Variants in TGFBR2 observed in about 807,000 individuals in gnomAD.
TGFBR2 encodes the protein TGF-beta receptor type-2.
TGFBR2 carries 18 observed loss-of-function variants against 49.0 expected under a neutral mutation model. The ratio of observed to expected loss-of-function variants is 0.37; its 90% CI spans 0.25 to 0.54. The LOEUF (loss-of-function observed/expected upper bound fraction) is 0.54. Among genes scored for constraint, TGFBR2 ranks in the 20% least tolerant of loss-of-function variants. The pLI is 0.85. For synonymous variants in TGFBR2, 282 were observed against 275.9 expected (o/e 1.02, Z -0.22); for missense variants, 525 against 722.6 (o/e 0.73, Z 3.13).
chr3:30,630,817 C>T (rs575930674), intron 1 of TGFBR2, among the ~76,000 whole-genome samples: 2 of 152,210 alleles, frequency 1.3e-5, no homozygotes, highest in Non-Finnish European at 2.9e-5. Context: ...CTGGTCCTCT[C>T]TAGAGGACAC....
intron 6 of TGFBR2, among the ~76,000 whole-genome samples, chr3:30,688,952 A>G (rs1362526640): frequency 1.3e-5 from 2 of 152,160 alleles, no homozygotes; most frequent in Non-Finnish European, 2.9e-5. Flanking sequence ...GTGAGAAGTG[A>G]CTGTGGCATG....
chr3:30,636,093 A>G (rs1698523293), intron 1 of TGFBR2, among the ~76,000 whole-genome samples: 2 of 151,904 alleles, frequency 1.3e-5, no homozygotes, highest in Non-Finnish European at 2.9e-5. Flanking sequence ...AGTATCCCAG[A>G]CATTTGATAT....
At position 30,608,833 on chromosome 3, in the gene TGFBR2, C is replaced by T. The variant is rs952790725; in HGVS notation, c.94+1856C>T. On this transcript the variant is annotated intron_variant, in intron 1 of 6. Coordinates refer to ENST00000295754, the MANE Select transcript of TGFBR2 (RefSeq NM_003242.6). The stretch of plus-strand genomic sequence containing the variant: ...CAATTGTCTCTCATTTTCCTCCAGA[C>T]TTTTAAAACCTAAGTGACATTTTGC... Among the ~76,000 whole-genome samples the T allele has an allele frequency of 6.6e-5, 10 of 152,164 alleles. No individual in the cohort carries two copies. In the East Asian group the frequency reaches 7.7e-4, roughly 12 times the overall value.
chr3:30,675,305 T>C (rs1338823174), intron 5 of TGFBR2, among the ~76,000 whole-genome samples: 2 of 152,136 alleles, frequency 1.3e-5, no homozygotes, highest in Non-Finnish European at 2.9e-5. Context: ...ATTTCTTAGG[T>C]GAGACAGGGT....
At chr3:30,611,597 C>A (rs1480558770) in intron 1 of TGFBR2, among the ~76,000 whole-genome samples, 1 of 137,438 alleles carries the variant, frequency 7.3e-6, no homozygotes, top group East Asian at 2.3e-4. Context: ...TTTTTTTTTT[C>A]ATAGAAGGGT....
chr3:30,608,569 T>C (rs1398213151), intron 1 of TGFBR2, among the ~76,000 whole-genome samples: 1 of 152,132 alleles, frequency 6.6e-6, no homozygotes, highest in African/African-American at 2.4e-5. Flanking sequence ...TTTAGGTTTG[T>C]CTAGAAAAAA....
At chr3:30,686,933 C>T (rs1265802532) in intron 5 of TGFBR2, among the ~76,000 whole-genome samples, 2 of 152,196 alleles carry the variant, frequency 1.3e-5, no homozygotes, top group Admixed American at 6.5e-5. Flanking sequence ...CATTCACTCA[C>T]TCAACAAAGC....
intron 3 of TGFBR2, among the ~76,000 whole-genome samples, chr3:30,670,353 T>G (rs953089306): frequency 2.6e-5 from 4 of 152,224 alleles, no homozygotes; most frequent in African/African-American, 9.6e-5. Flanking sequence ...ATATATGCCC[T>G]AAGTCCTCTA....
intron 1 of TGFBR2, among the ~76,000 whole-genome samples, chr3:30,613,131 CTTTTTT>C (rs5847644): frequency 5.4e-5 from 7 of 129,322 alleles, no homozygotes; most frequent in African/African-American, 1.7e-4. Flanking sequence ...ACATGCAGCT[CTTTTTT>C]TTTTTTTTTT....
At chr3:30,611,843 T>TA (rs1698036330) in intron 1 of TGFBR2, among the ~76,000 whole-genome samples, 2 of 152,192 alleles carry the variant, frequency 1.3e-5, no homozygotes. Context: ...ACTTCCTGGC[T>TA]ACAGCATGGC....
At chr3:30,661,987 C>T (rs369137441) in intron 3 of TGFBR2, among the ~76,000 whole-genome samples, 10 of 151,984 alleles carry the variant, frequency 6.6e-5, no homozygotes, top group African/African-American at 9.7e-5. Flanking sequence ...GAAAAGTAAC[C>T]GAGGAAAACA....
chr3:30,661,476 A>G, intron 3 of TGFBR2: 1 of 439,562 alleles, frequency 2.3e-6, no homozygotes, highest in South Asian at 1.6e-5. Flanking sequence ...TAAAAGAGCA[A>G]AGGCTGAATC....
intron 2 of TGFBR2, among the ~76,000 whole-genome samples, chr3:30,648,453 CACACACACA>C (rs1191240870): frequency 1.5e-5 from 2 of 136,790 alleles, no homozygotes; most frequent in East Asian, 2.4e-4. Context: ...CACACACACA[CACACACACA>C]AAACTGTGGG....
At chr3:30,687,350 T>C (rs1038943629) in intron 5 of TGFBR2, among the ~76,000 whole-genome samples, 1 of 152,196 alleles carries the variant, frequency 6.6e-6, no homozygotes, top group Non-Finnish European at 1.5e-5. Context: ...ATCAGTGATA[T>C]CGTAAGGAGC....
intron 3 of TGFBR2, among the ~76,000 whole-genome samples, chr3:30,659,824 A>G (rs1699084486): frequency 6.6e-6 from 1 of 151,860 alleles, no homozygotes; most frequent in Admixed American, 6.6e-5. Flanking sequence ...CCCATGAGTA[A>G]TGGCAAGAAG....
chr3:30,668,218 A>G (rs1244792311), intron 3 of TGFBR2, among the ~76,000 whole-genome samples: 1 of 152,134 alleles, frequency 6.6e-6, no homozygotes, highest in Non-Finnish European at 1.5e-5. Context: ...AATACCATAA[A>G]TTGCCCCATT....
intron 3 of TGFBR2, among the ~76,000 whole-genome samples, chr3:30,652,160 G>A (rs967771064): frequency 1.3e-5 from 2 of 150,986 alleles, no homozygotes; most frequent in African/African-American, 4.9e-5. Context: ...ACGCTTTCCA[G>A]ATTACTCTTC....
At position 30,617,083 on chromosome 3, in the gene TGFBR2, A is replaced by G. The variant is rs34626019; in HGVS notation, c.94+10106A>G. Among the ~76,000 whole-genome samples, 12 of 50,026 alleles carry G rather than the reference A, an allele frequency of 2.4e-4. No individual in the cohort carries two copies. In the South Asian group the frequency reaches 5.3e-3, roughly 22 times the overall value. 32.8% of individuals were successfully genotyped at this position (50,026 alleles called of 152,430 possible). On this transcript the variant is annotated intron_variant, in intron 1 of 6. Coordinates refer to ENST00000295754, the MANE Select transcript of TGFBR2 (RefSeq NM_003242.6). ...TAAAGGAACTTTCATATTTTTTGGG[A>G]AAAAAAAAAAAGGAAACTTGTCTAG... is the stretch of plus-strand genomic sequence containing the variant.
intron 1 of TGFBR2, among the ~76,000 whole-genome samples, chr3:30,634,471 A>G (rs963152766): frequency 6.6e-6 from 1 of 152,244 alleles, no homozygotes; most frequent in African/African-American, 2.4e-5. Context: ...ATCTTGAGGA[A>G]AGGACCATGT....
Sources: gnomAD v4.1 joint callset for allele counts (sites outside exome capture counted in the v4.1 genomes callset) on GRCh38, gnomAD v4.1.1 for gene constraint, MANE v1.5 for transcripts, NCBI Gene and HGNC (gene_info 2026-07-23, HGNC 2026-07-21) for gene names.